The following PKD1L3 variants were observed in gnomAD, a reference collection of about 807,000 sequenced individuals.
PKD1L3 encodes the protein polycystin-1-like protein 3.
A neutral mutation model predicts 184.1 loss-of-function variants in PKD1L3; 239 were observed. That is an observed-to-expected ratio of 1.30 (90% confidence interval 1.17 to 1.45). The LOEUF (loss-of-function observed/expected upper bound fraction) is 1.45. Ranked by LOEUF, PKD1L3 falls within the 40% of genes most tolerant of loss-of-function variation. The pLI, the probability that PKD1L3 is intolerant of heterozygous loss-of-function variation, is 0.00. For synonymous variants in PKD1L3, 996 were observed against 778.8 expected, an observed-to-expected ratio of 1.28 and a Z score of -4.64; for missense variants, 2,660 against 2,067.2, an observed-to-expected ratio of 1.29 and a Z score of -5.56.
chr16:71,995,878 C>A (rs1331574862), intron 2 of PKD1L3, among the ~76,000 whole-genome samples: 1 of 152,098 alleles, frequency 6.6e-6, no homozygotes, highest in African/African-American at 2.4e-5. Flanking sequence ...TATGAGAGTA[C>A]CTATTTTCTT....
At chr16:71,987,221 C>T (rs1460887430) in intron 4 of PKD1L3, among the ~76,000 whole-genome samples, 2 of 151,248 alleles carry the variant, frequency 1.3e-5, no homozygotes, top group Admixed American at 6.6e-5. Context: ...CTGCACCCGG[C>T]TGAGGAGAGG....
At chr16:71,987,117 G>C (rs2040402398) in intron 4 of PKD1L3, among the ~76,000 whole-genome samples, 1 of 150,642 alleles carries the variant, frequency 6.6e-6, no homozygotes, top group South Asian at 2.1e-4. Flanking sequence ...TAGAGATGGG[G>C]TTTCACCATG....
chr16:71,997,290 T>C (rs898548378), intron 2 of PKD1L3, among the ~76,000 whole-genome samples: 1 of 152,050 alleles, frequency 6.6e-6, no homozygotes, highest in South Asian at 2.1e-4. Flanking sequence ...TGTTTTTTTT[T>C]TAAGAAATCA....
At chr16:71,938,450 CT>C (rs2038254252) in intron 24 of PKD1L3, among the ~76,000 whole-genome samples, 1 of 152,248 alleles carries the variant, frequency 6.6e-6, no homozygotes. Flanking sequence ...AGACAGGCTC[CT>C]GGGCAGAAAG....
chr16:71,941,718 G>A (rs2038368209), intron 24 of PKD1L3, among the ~76,000 whole-genome samples: 1 of 151,242 alleles, frequency 6.6e-6, no homozygotes, highest in Admixed American at 6.6e-5. Flanking sequence ...CCGAATAGTT[G>A]GGACTGCAGG....
chr16:71,942,341 G>A (rs895706791), intron 24 of PKD1L3, among the ~76,000 whole-genome samples: 2 of 151,920 alleles, frequency 1.3e-5, no homozygotes, highest in South Asian at 2.1e-4. Flanking sequence ...TCAAACAAAC[G>A]AACCAAAATC....
In PKD1L3 at chr16:71,953,093, A is replaced by C; in HGVS notation, c.2810T>G (p.Met937Arg). 7 of 1,448,616 alleles carry C rather than the reference A, an allele frequency of 4.8e-6. No individual in the cohort carries two copies. Among genetic ancestry groups the C allele is most frequent in the Non-Finnish European group, 6.4e-6 (7 of 1,100,630 alleles). 89.7% of individuals were successfully genotyped at this position (1,448,616 alleles called of 1,614,324 possible). The change falls in exon 18 of 30, where the codon ATG becomes AGG. Residue 937 changes from methionine (M) to arginine (R), a missense_variant and splice_region_variant. Physicochemically the swap from Met to Arg is moderately conservative, Grantham distance 91. Transcript: ENST00000620267. Reference sequence around the variant, plus strand: ...AGACCAGGCCACAGCAAATGGACGCACTGAAAGAAAAGCATGACATCAACT... The same window carrying C: ...AGACCAGGCCACAGCAAATGGACGCCCTGAAAGAAAAGCATGACATCAACT... ...NSTTAKRDEQ[M>R]RPFAVAWSEL...
intron 21 of PKD1L3, among the ~76,000 whole-genome samples, chr16:71,948,303 A>G (rs545256511): frequency 6.6e-6 from 1 of 152,072 alleles, no homozygotes; most frequent in African/African-American, 2.4e-5. Context: ...GGCTGGTCTC[A>G]AACTCCTGAC....
At position 71,954,422 on chromosome 16, in the gene PKD1L3, C is replaced by T. The variant is rs1487379245; in HGVS notation, c.2613-121G>A. The T allele has an allele frequency of 1.6e-5, 10 of 611,682 alleles. No individual in the cohort carries two copies. In the South Asian group the frequency reaches 2.5e-4, roughly 15 times the overall value. 37.9% of individuals were successfully genotyped at this position (611,682 alleles called of 1,614,324 possible). ...ACTCCCAAGCCTCTATTCAACACCT[C>T]TGTGAATAAGCTTTCAGATATTTTA... On this transcript the variant is annotated intron_variant, in intron 16 of 29. Coordinates refer to ENST00000620267, the MANE Select transcript of PKD1L3 (RefSeq NM_181536.2).
chr16:71,953,224 G>T, intron 17 of PKD1L3, 131 bp from the exon 18 acceptor site: 1 of 759,784 alleles, frequency 1.3e-6, no homozygotes, highest in Non-Finnish European at 2.0e-6. Context: ...TATCCTGGCA[G>T]TAAAGACCAT....
intron 29 of PKD1L3, 124 bp from the exon 30 acceptor site, chr16:71,929,802 T>C (rs2037861359): frequency 9.1e-7 from 1 of 1,102,576 alleles, no homozygotes; most frequent in Non-Finnish European, 1.3e-6. Context: ...CTTTAATAAT[T>C]TGCAGTCAGG....
At chr16:71,934,306 C>T (rs2038098433) in intron 26 of PKD1L3, among the ~76,000 whole-genome samples, 181 bp from the exon 27 acceptor site, 1 of 152,094 alleles carries the variant, frequency 6.6e-6, no homozygotes, top group Admixed American at 6.6e-5. Context: ...TAACAGAAGG[C>T]CACATACTAT....
intron 9 of PKD1L3, among the ~76,000 whole-genome samples, chr16:71,979,191 C>T (rs1462124154): frequency 6.6e-6 from 1 of 152,112 alleles, no homozygotes; most frequent in Admixed American, 6.6e-5. Context: ...CACCTGTAAT[C>T]CCAGCACTAC....
At chr16:71,992,505 G>C (rs888488663) in intron 3 of PKD1L3, among the ~76,000 whole-genome samples, 2 of 152,078 alleles carry the variant, frequency 1.3e-5, no homozygotes, top group African/African-American at 2.4e-5. Flanking sequence ...ATTATCATCA[G>C]AACAACTTTT....
In PKD1L3 at chr16:71,980,012, C is replaced by G; in HGVS notation, c.1266G>C (p.Leu422=). ...TLTSANATLL[L]SRQNISTLPL... ...CGTTCCTTCTTCCCATTAACCTGCTCAGCAGCAGAGTAGCATTGGCAGAGG... is the reference window on the plus strand; with the variant it reads ...CGTTCCTTCTTCCCATTAACCTGCTGAGCAGCAGAGTAGCATTGGCAGAGG... Residue 422 remains leucine, a synonymous_variant, in exon 8 of 30, where the codon CTG becomes CTC. Coordinates refer to ENST00000620267, the MANE Select transcript of PKD1L3 (RefSeq NM_181536.2). 1 of 1,552,126 alleles carries G rather than the reference C, an allele frequency of 6.4e-7. No individual in the cohort carries two copies. The highest frequency in any genetic ancestry group is 8.7e-7 in the Non-Finnish European group (1 of 1,147,094).
intron 26 of PKD1L3, among the ~76,000 whole-genome samples, chr16:71,934,712 G>A (rs887864228): frequency 6.6e-6 from 1 of 152,062 alleles, no homozygotes; most frequent in Non-Finnish European, 1.5e-5. Flanking sequence ...ACAGACACTA[G>A]CAAGTGGCAC....
At chr16:71,945,400 T>TATA (rs1567498868) in intron 22 of PKD1L3, among the ~76,000 whole-genome samples, 2 of 13,608 alleles carry the variant, frequency 1.5e-4, no homozygotes, top group African/African-American at 3.1e-4. Context: ...ATATATATAT[T>TATA]TATTTATTTA....
intron 19 of PKD1L3, 129 bp from the exon 20 acceptor site, chr16:71,950,439 T>C: frequency 1.3e-6 from 1 of 772,596 alleles, no homozygotes; most frequent in Non-Finnish European, 2.0e-6. Context: ...GATTGGACCG[T>C]ACCCCACATT....
At chr16:71,972,171 G>A (rs913307670) in intron 12 of PKD1L3, among the ~76,000 whole-genome samples, 2 of 151,834 alleles carry the variant, frequency 1.3e-5, no homozygotes, top group Non-Finnish European at 2.9e-5. Context: ...AGCCAAGATC[G>A]CGCCACTGCA....
Sources: gnomAD v4.1 joint callset for allele counts (sites outside exome capture counted in the v4.1 genomes callset) on GRCh38, gnomAD v4.1.1 for gene constraint, MANE v1.5 for transcripts, NCBI Gene and HGNC (gene_info 2026-07-23, HGNC 2026-07-21) for gene names.